RBFOX1: variants seen among roughly 807,000 people sequenced by gnomAD.
RBFOX1 encodes RNA binding fox-1 homolog 1.
In RBFOX1, 8 loss-of-function variants were observed where a neutral mutation model predicts 57.7. The observed-to-expected ratio is 0.14, with a 90% CI of 0.08 to 0.25. RBFOX1 has a LOEUF of 0.25. Among genes scored for constraint, RBFOX1 ranks in the 10% least tolerant of loss-of-function variants. The probability of loss-of-function intolerance (pLI) is 1.00; values close to 1 mark genes in which losing one functional copy is unlikely to be tolerated. For synonymous variants in RBFOX1, 326 were observed against 222.4 expected (o/e 1.47, Z -4.15); for missense variants, 611 against 548.5 (o/e 1.11, Z -1.14).
chr16:7,176,472 G>A lies in RBFOX1; in HGVS notation c.27+124374G>A, dbSNP rs200998634. On this transcript the variant is annotated intron_variant, in intron 4 of 15. Coordinates refer to ENST00000550418, the MANE Select transcript of RBFOX1 (RefSeq NM_018723.4). Reference sequence around the variant, plus strand: ...ATTATGTGTACGAGGTATCTATTATGTCAGTAAACTATACCTCTCGGGAAA... The same window carrying A: ...ATTATGTGTACGAGGTATCTATTATATCAGTAAACTATACCTCTCGGGAAA... Among the ~76,000 whole-genome samples, 13 of 152,130 alleles carry A rather than the reference G, an allele frequency of 8.5e-5. No individual in the cohort carries two copies. In the East Asian group the frequency reaches 2.3e-3, roughly 27 times the overall value.
At chr16:7,693,257 G>C (rs957183339) in intron 14 of RBFOX1, 2 of 1,476,442 alleles carry the variant, frequency 1.4e-6, no homozygotes, top group Admixed American at 1.7e-5. Flanking sequence ...GAAGCAATTG[G>C]CAGAGAGCAC....
At chr16:6,121,857 C>T (rs756862174) in intron 1 of RBFOX1, among the ~76,000 whole-genome samples, 3 of 152,152 alleles carry the variant, frequency 2.0e-5, no homozygotes, top group Non-Finnish European at 4.4e-5. Flanking sequence ...GAGGCAATAC[C>T]TGTAAAATGC....
rs113971733 is a variant in RBFOX1 at position 6,073,492 on chromosome 16, G to T, written c.-127+53500G>T. On this transcript the variant is annotated intron_variant, in intron 1 of 15. Coordinates refer to ENST00000550418, the MANE Select transcript of RBFOX1 (RefSeq NM_018723.4). ...CTATTATTATTTTTTCCAAGTGTAT[G>T]CTAATAGGAAAAACTGCTTAGCCCA... 1.7e-3 allele frequency among the ~76,000 whole-genome samples: 263 copies of T among 152,274 alleles called. 3 individuals are homozygous for T. Among genetic ancestry groups the T allele is most frequent in the African/African-American group, 6.1e-3 (253 of 41,548 alleles).
chr16:6,442,360 A>T (rs1430266228), intron 2 of RBFOX1, among the ~76,000 whole-genome samples: 1 of 152,132 alleles, frequency 6.6e-6, no homozygotes, highest in Admixed American at 6.5e-5. Context: ...GATTGAGACC[A>T]TCCAGACCAA....
chr16:6,586,819 A>G (rs550566547), intron 2 of RBFOX1, among the ~76,000 whole-genome samples: 3 of 152,346 alleles, frequency 2.0e-5, no homozygotes, highest in East Asian at 1.9e-4. Flanking sequence ...TAACTGCACT[A>G]TCACCACGTA....
chr16:5,381,508 C>G (rs545980788), intron 1 of RBFOX1, among the ~76,000 whole-genome samples: 1 of 152,244 alleles, frequency 6.6e-6, no homozygotes, highest in African/African-American at 2.4e-5. Context: ...CCTGGTGAAG[C>G]TGAGGCTGCA....
chr16:6,644,136 G>A (rs980541698), intron 2 of RBFOX1, among the ~76,000 whole-genome samples: 1 of 152,070 alleles, frequency 6.6e-6, no homozygotes, highest in Non-Finnish European at 1.5e-5. Context: ...AATAATAATA[G>A]TGTAGGTTGC....
At chr16:6,161,390 A>G (rs1344475091) in intron 1 of RBFOX1, among the ~76,000 whole-genome samples, 2 of 97,988 alleles carry the variant, frequency 2.0e-5, no homozygotes, top group Non-Finnish European at 3.6e-5. Flanking sequence ...CTCTGTCTTA[A>G]AAAAAAAAAA....
intron 4 of RBFOX1, among the ~76,000 whole-genome samples, chr16:7,399,068 A>G (rs111640198): frequency 6.6e-6 from 1 of 152,224 alleles, no homozygotes; most frequent in Non-Finnish European, 1.5e-5. Context: ...TTGTACCTCA[A>G]ACCTCAGCAT....
intron 1 of RBFOX1, among the ~76,000 whole-genome samples, chr16:5,409,262 G>C (rs928344068): frequency 2.6e-5 from 4 of 152,232 alleles, no homozygotes; most frequent in African/African-American, 9.6e-5. Flanking sequence ...GCGATGGACA[G>C]TGTTCACTGT....
chr16:7,582,114 T>C (rs1432913691), intron 6 of RBFOX1, among the ~76,000 whole-genome samples: 1 of 151,568 alleles, frequency 6.6e-6, no homozygotes, highest in Non-Finnish European at 1.5e-5. Context: ...ATTGCAACCT[T>C]TCTCCTGGGT....
At chr16:6,243,633 GC>G (rs1448665090) in intron 1 of RBFOX1, among the ~76,000 whole-genome samples, 1 of 152,186 alleles carries the variant, frequency 6.6e-6, no homozygotes, top group Admixed American at 6.5e-5. Flanking sequence ...TTCCCCTGTG[GC>G]CCGTAACCCG....
At chr16:7,290,097 G>A (rs1006040814) in intron 4 of RBFOX1, among the ~76,000 whole-genome samples, 6 of 152,038 alleles carry the variant, frequency 3.9e-5, no homozygotes, top group South Asian at 2.1e-4. Context: ...CATTTACACC[G>A]GTAGAAACCA....
At chr16:7,587,193 T>G (rs1485176932) in intron 6 of RBFOX1, 54 bp from the exon 7 acceptor site, 1 of 1,452,808 alleles carries the variant, frequency 6.9e-7, no homozygotes, top group African/African-American at 1.4e-5. Context: ...CTGTACATAG[T>G]AATGTCTACT....
At chr16:6,653,230 C>G (rs1354845319) in intron 2 of RBFOX1, among the ~76,000 whole-genome samples, 1 of 152,122 alleles carries the variant, frequency 6.6e-6, no homozygotes, top group Non-Finnish European at 1.5e-5. Flanking sequence ...CTCAGCATTT[C>G]CCACCCCCTT....
intron 1 of RBFOX1, among the ~76,000 whole-genome samples, chr16:5,343,535 A>G (rs11866813): frequency 0.027 from 4,085 of 150,904 alleles, 175 homozygotes; most frequent in African/African-American, 0.095. Context: ...GTTACCCAGG[A>G]TGGTCTTGAT....
chr16:6,415,934 GA>G (rs1410721525), intron 2 of RBFOX1, among the ~76,000 whole-genome samples: 1 of 152,176 alleles, frequency 6.6e-6, no homozygotes, highest in Non-Finnish European at 1.5e-5. Flanking sequence ...GTTTAATCAG[GA>G]TATCAAAATT....
intron 1 of RBFOX1, among the ~76,000 whole-genome samples, chr16:5,354,658 C>G (rs1316666120): frequency 6.6e-6 from 1 of 152,258 alleles, no homozygotes; most frequent in Non-Finnish European, 1.5e-5. Flanking sequence ...TTATTCCAAC[C>G]CTCTCTTTGT....
intron 3 of RBFOX1, among the ~76,000 whole-genome samples, chr16:5,827,175 G>A (rs1050466431): frequency 1.3e-5 from 2 of 152,240 alleles, no homozygotes; most frequent in Admixed American, 6.5e-5. Context: ...GCCGAGGTGG[G>A]TGGATCATGA....
Sources: gnomAD v4.1 joint callset for allele counts (sites outside exome capture counted in the v4.1 genomes callset) on GRCh38, gnomAD v4.1.1 for gene constraint, MANE v1.5 for transcripts, NCBI Gene and HGNC (gene_info 2026-07-23, HGNC 2026-07-21) for gene names.